Variants in KSR2 observed in about 807,000 individuals in gnomAD.
KSR2 encodes the protein kinase suppressor of ras 2.
In KSR2, 25 loss-of-function variants were observed where a neutral mutation model predicts 107.8. The observed-to-expected ratio is 0.23, with a 90% CI of 0.17 to 0.32. The LOEUF is 0.32. KSR2 is among the 10% of genes least tolerant of loss of function. The pLI is 1.00. For synonymous variants in KSR2, 480 were observed against 507.0 expected, an observed-to-expected ratio of 0.95 and a Z score of 0.71; for missense variants, 887 against 1,268.9, an observed-to-expected ratio of 0.70 and a Z score of 4.57.
intron 4 of KSR2, among the ~76,000 whole-genome samples, chr12:117,695,706 G>A (rs1886025762): frequency 1.4e-5 from 2 of 144,382 alleles, no homozygotes; most frequent in Admixed American, 1.4e-4. Flanking sequence ...GTGAGATCCT[G>A]TCTCAAACAA....
At chr12:117,505,127 C>T (rs1873599806) in intron 14 of KSR2, among the ~76,000 whole-genome samples, 1 of 152,116 alleles carries the variant, frequency 6.6e-6, no homozygotes, top group South Asian at 2.1e-4. Context: ...TGTATATATA[C>T]CACATTTTCT....
intron 5 of KSR2, among the ~76,000 whole-genome samples, chr12:117,608,070 G>A (rs1394894074): frequency 3.3e-5 from 5 of 152,238 alleles, no homozygotes; most frequent in Non-Finnish European, 7.3e-5. Flanking sequence ...ACTGTGGAGA[G>A]AAGGCAGCAA....
At chr12:117,916,923 GA>G (rs1199043576) in intron 1 of KSR2, among the ~76,000 whole-genome samples, 3 of 152,202 alleles carry the variant, frequency 2.0e-5, no homozygotes, top group African/African-American at 4.8e-5. Flanking sequence ...ATAATTGTTT[GA>G]TATCTATAAA....
At chr12:117,673,582 T>C (rs542653846) in intron 4 of KSR2, among the ~76,000 whole-genome samples, 2 of 152,140 alleles carry the variant, frequency 1.3e-5, no homozygotes, top group South Asian at 2.1e-4. Flanking sequence ...TAGAGTAGGG[T>C]GGAAAGAAAT....
intron 7 of KSR2, among the ~76,000 whole-genome samples, chr12:117,564,592 A>G (rs1473678682): frequency 1.3e-5 from 2 of 152,232 alleles, no homozygotes; most frequent in African/African-American, 4.8e-5. Flanking sequence ...CTTACGAGGA[A>G]CATCTCATTC....
chr12:117,696,500 C>A (rs1233474956), intron 4 of KSR2, among the ~76,000 whole-genome samples: 3 of 151,858 alleles, frequency 2.0e-5, no homozygotes, highest in Non-Finnish European at 2.9e-5. Flanking sequence ...AGGTGACCTA[C>A]ATCCTAGCAC....
At chr12:117,507,847 C>T (rs1308528220) in intron 14 of KSR2, among the ~76,000 whole-genome samples, 1 of 152,136 alleles carries the variant, frequency 6.6e-6, no homozygotes, top group African/African-American at 2.4e-5. Flanking sequence ...AGCCCCCACC[C>T]CCACTCCTAT....
intron 4 of KSR2, among the ~76,000 whole-genome samples, chr12:117,709,635 C>T (rs1459331075): frequency 6.6e-6 from 1 of 152,216 alleles, no homozygotes; most frequent in Non-Finnish European, 1.5e-5. Flanking sequence ...GTTTTATCTA[C>T]TTCAGTGCAC....
intron 5 of KSR2, among the ~76,000 whole-genome samples, chr12:117,623,948 T>A (rs1882328646): frequency 6.6e-6 from 1 of 152,220 alleles, no homozygotes; most frequent in East Asian, 1.9e-4. Flanking sequence ...GGTATCTCAT[T>A]GTGGTTTTGA....
At chr12:117,715,604 T>C (rs1886949036) in intron 4 of KSR2, among the ~76,000 whole-genome samples, 1 of 152,222 alleles carries the variant, frequency 6.6e-6, no homozygotes, top group African/African-American at 2.4e-5. Flanking sequence ...AGATCTTAGG[T>C]CAGCAAATGT....
intron 4 of KSR2, among the ~76,000 whole-genome samples, chr12:117,672,002 G>T (rs1159017346): frequency 1.3e-5 from 2 of 152,234 alleles, no homozygotes; most frequent in Non-Finnish European, 2.9e-5. Context: ...GTCTAAGCAT[G>T]CCTGCAAAGT....
chr12:117,624,066 T>C (rs1006091857), intron 5 of KSR2, among the ~76,000 whole-genome samples: 1 of 152,204 alleles, frequency 6.6e-6, no homozygotes, highest in Non-Finnish European at 1.5e-5. Context: ...TGCCCACTTT[T>C]TGATGGGGTT....
chr12:117,661,150 G>T (rs1349725168), intron 5 of KSR2, among the ~76,000 whole-genome samples: 1 of 152,120 alleles, frequency 6.6e-6, no homozygotes, highest in Non-Finnish European at 1.5e-5. Flanking sequence ...TAAAGTAACT[G>T]ACCCCTCCTC....
intron 2 of KSR2, among the ~76,000 whole-genome samples, chr12:117,858,393 T>A (rs532544610): frequency 2.0e-5 from 3 of 152,076 alleles, no homozygotes; most frequent in Non-Finnish European, 4.4e-5. Flanking sequence ...CTGGCCATAC[T>A]GGGAATGAAA....
At chr12:117,814,682 G>GGC (rs1393147846) in intron 3 of KSR2, among the ~76,000 whole-genome samples, 1 of 152,184 alleles carries the variant, frequency 6.6e-6, no homozygotes, top group Admixed American at 6.5e-5. Context: ...GCACTCGGGA[G>GGC]GCGTCTAGGG....
chr12:117,910,811 G>A (rs1158578032), intron 1 of KSR2, among the ~76,000 whole-genome samples: 5 of 152,054 alleles, frequency 3.3e-5, no homozygotes, highest in Non-Finnish European at 4.4e-5. Context: ...ACACTATAGC[G>A]CAGTCCTAAG....
At chr12:117,938,267 A>G (rs1035152194) in intron 1 of KSR2, among the ~76,000 whole-genome samples, 1 of 152,150 alleles carries the variant, frequency 6.6e-6, no homozygotes, top group Non-Finnish European at 1.5e-5. Context: ...CACATGCCAG[A>G]CTGACATTTG....
intron 7 of KSR2, among the ~76,000 whole-genome samples, chr12:117,570,954 A>G (rs1011768562): frequency 3.3e-4 from 51 of 152,294 alleles, no homozygotes; most frequent in African/African-American, 1.2e-3. Flanking sequence ...TTGAGGGAGT[A>G]TGCTCAGAAG....
chr12:117,858,669 C>T (rs1274891560), intron 2 of KSR2, among the ~76,000 whole-genome samples: 1 of 152,184 alleles, frequency 6.6e-6, no homozygotes, highest in Non-Finnish European at 1.5e-5. Flanking sequence ...CTGGGGGGAC[C>T]CAGGCAACAG....
Sources: gnomAD v4.1 joint callset for allele counts (sites outside exome capture counted in the v4.1 genomes callset) on GRCh38, gnomAD v4.1.1 for gene constraint, MANE v1.5 for transcripts, NCBI Gene and HGNC (gene_info 2026-07-23, HGNC 2026-07-21) for gene names.